The following GPCPD1 variants were observed in gnomAD, a reference collection of about 807,000 sequenced individuals.
GPCPD1 encodes the protein glycerophosphocholine phosphodiesterase 1.
In GPCPD1, 29 loss-of-function variants were observed where a neutral mutation model predicts 89.2. The ratio of observed to expected loss-of-function variants is 0.33; its 90% CI spans 0.24 to 0.44. The LOEUF (loss-of-function observed/expected upper bound fraction) is 0.44. Ranked by LOEUF, GPCPD1 falls within the 20% of genes least tolerant of loss-of-function variation. GPCPD1 has a pLI of 1.00. For missense variants in GPCPD1, 594 were observed against 808.9 expected, an observed-to-expected ratio of 0.73 and a Z score of 3.22; for synonymous variants, 258 against 266.3, an observed-to-expected ratio of 0.97 and a Z score of 0.30.
intron 3 of GPCPD1, among the ~76,000 whole-genome samples, chr20:5,598,365 C>G (rs1357165239): frequency 6.6e-6 from 1 of 152,096 alleles, no homozygotes; most frequent in African/African-American, 2.4e-5. Flanking sequence ...AGGATCACAC[C>G]ACTGTACTCC....
chr20:5,554,115 C>T (rs1985604453), intron 19 of GPCPD1, among the ~76,000 whole-genome samples: 1 of 134,776 alleles, frequency 7.4e-6, no homozygotes, highest in African/African-American at 3.0e-5. Flanking sequence ...ACTACAGGCG[C>T]CCGCCACCAC....
At chr20:5,548,441 T>A (rs1276992131) in intron 19 of GPCPD1, 1 of 152,250 alleles carries the variant, frequency 6.6e-6, no homozygotes, top group African/African-American at 2.4e-5. Flanking sequence ...CTTTATGACA[T>A]CACAGTAGGA....
intron 19 of GPCPD1, among the ~76,000 whole-genome samples, chr20:5,549,712 T>C (rs1405969142): frequency 1.6e-5 from 2 of 128,138 alleles, no homozygotes; most frequent in Non-Finnish European, 3.1e-5. Context: ...GCCACTGCAC[T>C]CCAACCTGGG....
intron 19 of GPCPD1, among the ~76,000 whole-genome samples, chr20:5,556,415 AG>A (rs990654347): frequency 2.6e-5 from 4 of 152,206 alleles, no homozygotes; most frequent in African/African-American, 9.6e-5. Context: ...CATGTTGGTC[AG>A]GCTGGTCTCA....
chr20:5,586,935 T>A (rs774051719), intron 4 of GPCPD1, among the ~76,000 whole-genome samples: 7 of 152,136 alleles, frequency 4.6e-5, no homozygotes, highest in Non-Finnish European at 8.8e-5. Flanking sequence ...GGAACTAACA[T>A]CCGGTTTCAT....
intron 2 of GPCPD1, among the ~76,000 whole-genome samples, chr20:5,600,594 G>T (rs1980059995): frequency 6.6e-6 from 1 of 152,224 alleles, no homozygotes; most frequent in Admixed American, 6.5e-5. Flanking sequence ...AGCACTTTGG[G>T]AGGCCAAGGC....
chr20:5,590,140 T>C (rs1248518727), intron 4 of GPCPD1, among the ~76,000 whole-genome samples: 3 of 152,254 alleles, frequency 2.0e-5, no homozygotes, highest in Non-Finnish European at 4.4e-5. Context: ...GCAAAATTAT[T>C]AGCTAGCCAT....
chr20:5,564,488 T>G (rs1165606256), intron 15 of GPCPD1, among the ~76,000 whole-genome samples: 1 of 152,128 alleles, frequency 6.6e-6, no homozygotes, highest in East Asian at 1.9e-4. Context: ...GAATAGAAGT[T>G]ACTCTTGGGG....
At chr20:5,557,212 TA>T (rs1985824445) in intron 19 of GPCPD1, among the ~76,000 whole-genome samples, 1 of 152,178 alleles carries the variant, frequency 6.6e-6, no homozygotes, top group African/African-American at 2.4e-5. Flanking sequence ...GGGAGAGTTT[TA>T]AGTAGCAACA....
chr20:5,580,617 T>C (rs1978400544), intron 6 of GPCPD1, among the ~76,000 whole-genome samples: 1 of 151,164 alleles, frequency 6.6e-6, no homozygotes, highest in African/African-American at 2.4e-5. Flanking sequence ...TCCCAGCTGC[T>C]TGGGAGGCTG....
rs377634608 is a variant in GPCPD1 at position 5,578,468 on chromosome 20, C to A, written c.617G>T (p.Gly206Val). ...FKCRHSQPEC[G>V]YGLQPDRWTE... ...CCAACGATCAGGCTGCAAGCCATAA[C>A]CACACTCCGGCTGTGAATGCCTGCA... is the stretch of plus-strand genomic sequence containing the variant. The change falls in exon 8 of 20, where the codon GGT (glycine) becomes GTT (valine). Residue 206 changes from glycine (G) to valine (V), a missense_variant. Coordinates refer to ENST00000379019, the MANE Select transcript of GPCPD1 (RefSeq NM_019593.5). 6.2e-7 allele frequency: 1 copy of A among 1,614,030 alleles called. No homozygotes were observed.
At chr20:5,573,621 C>G (rs1230623404) in intron 11 of GPCPD1, among the ~76,000 whole-genome samples, 1 of 152,116 alleles carries the variant, frequency 6.6e-6, no homozygotes, top group African/African-American at 2.4e-5. Context: ...GCACATGCCT[C>G]TAGTCCCACT....
intron 4 of GPCPD1, among the ~76,000 whole-genome samples, chr20:5,590,699 T>G (rs1022243131): frequency 2.6e-5 from 4 of 152,162 alleles, no homozygotes; most frequent in Non-Finnish European, 5.9e-5. Flanking sequence ...TTTTAGATAC[T>G]AATAAACTAT....
chr20:5,608,955 C>T (rs541158221), intron 1 of GPCPD1, among the ~76,000 whole-genome samples: 1 of 152,258 alleles, frequency 6.6e-6, no homozygotes, highest in South Asian at 2.1e-4. Context: ...TAAAAAATTT[C>T]AGAGTTCACA....
intron 6 of GPCPD1, among the ~76,000 whole-genome samples, chr20:5,581,057 C>T (rs1363629914): frequency 1.3e-5 from 2 of 151,904 alleles, no homozygotes; most frequent in Non-Finnish European, 2.9e-5. Context: ...TTAGTAGAGA[C>T]AGGGTGTCAC....
intron 3 of GPCPD1, among the ~76,000 whole-genome samples, chr20:5,597,302 C>T (rs1415406843): frequency 6.6e-6 from 1 of 152,054 alleles, no homozygotes; most frequent in Non-Finnish European, 1.5e-5. Flanking sequence ...TTGTTATTTT[C>T]CGTTGCTTTA....
At chr20:5,563,285 TC>T (rs1986197415) in intron 15 of GPCPD1, among the ~76,000 whole-genome samples, 1 of 151,208 alleles carries the variant, frequency 6.6e-6, no homozygotes, top group Non-Finnish European at 1.5e-5. Context: ...GGCCAAAATT[TC>T]TTTGTGATTG....
chr20:5,570,102 T>C, intron 12 of GPCPD1, 45 bp downstream of exon 12: 1 of 846,944 alleles, frequency 1.2e-6, no homozygotes, highest in Non-Finnish European at 1.9e-6. Flanking sequence ...TTTTTAAACC[T>C]TTTACTTAAC....
At chr20:5,559,853 G>A in intron 17 of GPCPD1, 87 bp downstream of exon 17, 3 of 658,228 alleles carry the variant, frequency 4.6e-6, no homozygotes, top group Non-Finnish European at 7.6e-6. Context: ...ATGGGGGAAA[G>A]CTGGACAACT....
Sources: allele counts gnomAD v4.1 joint callset (sites outside exome capture counted in the v4.1 genomes callset), GRCh38; gene constraint gnomAD v4.1.1; transcripts MANE v1.5; gene names NCBI Gene and HGNC (gene_info 2026-07-23, HGNC 2026-07-21).